Variants in SDK2 observed in about 807,000 individuals in gnomAD.
The protein encoded by SDK2 is sidekick cell adhesion molecule 2.
In SDK2, 105 loss-of-function variants were observed where a neutral mutation model predicts 253.9. The ratio of observed to expected loss-of-function variants is 0.41; its 90% CI spans 0.35 to 0.49. SDK2 has a LOEUF of 0.49. Ranked by LOEUF, SDK2 falls within the 20% of genes least tolerant of loss-of-function variation. The pLI is 0.06. For synonymous variants in SDK2, 1,249 were observed against 1,234.9 expected (o/e 1.01, Z -0.24); for missense variants, 2,608 against 3,003.0 (o/e 0.87, Z 3.07).
At chr17:73,524,810 G>A (rs529683194) in intron 1 of SDK2, among the ~76,000 whole-genome samples, 3 of 152,340 alleles carry the variant, frequency 2.0e-5, no homozygotes, top group South Asian at 2.1e-4. Context: ...CAAAGCCCAC[G>A]CTCCTTCCAC....
chr17:73,581,174 G>A (rs944430592), intron 1 of SDK2, among the ~76,000 whole-genome samples: 8 of 152,060 alleles, frequency 5.3e-5, no homozygotes, highest in African/African-American at 1.2e-4. Context: ...GAGCCACTGC[G>A]CTCAGCACTT....
intron 44 of SDK2, among the ~76,000 whole-genome samples, chr17:73,339,237 T>TG (rs1287641316): frequency 9.0e-6 from 1 of 111,190 alleles, no homozygotes; most frequent in Non-Finnish European, 2.2e-5. Context: ...TTGTTTTTGT[T>TG]TTTTTTTTTT....
intron 18 of SDK2, among the ~76,000 whole-genome samples, chr17:73,404,613 G>A (rs2063055854): frequency 6.6e-6 from 1 of 152,204 alleles, no homozygotes; most frequent in Non-Finnish European, 1.5e-5. Flanking sequence ...TGTGGACCCT[G>A]AGACCTTTCA....
At chr17:73,385,358 G>T (rs529202768) in intron 32 of SDK2, among the ~76,000 whole-genome samples, 3 of 152,276 alleles carry the variant, frequency 2.0e-5, no homozygotes, top group East Asian at 1.9e-4. Flanking sequence ...ACGAAGGGGG[G>T]CATTTCTCTC....
intron 13 of SDK2, 128 bp downstream of exon 13, chr17:73,423,788 G>A: frequency 2.3e-6 from 2 of 860,978 alleles, no homozygotes; most frequent in Non-Finnish European, 3.5e-6. Flanking sequence ...GGTATGTCCT[G>A]AGCAAAGCTG....
In SDK2 at chr17:73,447,827, G is replaced by A. The variant is rs1202763617; in HGVS notation, c.480-79C>T. 4.0e-6 allele frequency: 6 copies of A among 1,513,110 alleles called. No homozygotes were observed. The highest frequency in any genetic ancestry group is 1.4e-5 in the African/African-American group (1 of 72,062). 93.7% of individuals were successfully genotyped at this position (1,513,110 alleles called of 1,614,324 possible). A position where few individuals can be genotyped will look rare whatever the true frequency, so the allele number is the denominator to read the frequency against. On this transcript the variant is annotated intron_variant, in intron 4 of 44. Coordinates refer to ENST00000392650, the MANE Select transcript of SDK2 (RefSeq NM_001144952.2). The surrounding 1 kb of genome is among the most constrained non-coding windows in gnomAD (Gnocchi z 4.0). Reference sequence around the variant, plus strand: ...CAGGGAGTGGGAGTGGAAACCCTAAGGGGGAAGCCCGACCATATCTCCCAG... The same window carrying A: ...CAGGGAGTGGGAGTGGAAACCCTAAAGGGGAAGCCCGACCATATCTCCCAG...
At position 73,355,094 on chromosome 17, in the gene SDK2, G is replaced by A. The variant is rs367802120; in HGVS notation, c.5594-2457C>T. 1.1e-4 allele frequency among the ~76,000 whole-genome samples: 16 copies of A among 145,702 alleles called. No individual in the cohort carries two copies. The East Asian group carries it at 1.7e-3, about 15-fold the overall frequency. ...CAGAGCTGTCCTTGCAGAAGGCTCC[G>A]GGGTCCCGAACCTCGGCCTCACTGT... is the stretch of plus-strand genomic sequence containing the variant. On this transcript the variant is annotated intron_variant, in intron 40 of 44. Coordinates refer to ENST00000392650, the MANE Select transcript of SDK2 (RefSeq NM_001144952.2).
intron 1 of SDK2, among the ~76,000 whole-genome samples, chr17:73,608,464 G>C (rs2045934699): frequency 6.6e-6 from 1 of 152,114 alleles, no homozygotes; most frequent in African/African-American, 2.4e-5. Flanking sequence ...TATTTTGAGA[G>C]GGAGTTTTGC....
At position 73,612,243 on chromosome 17, in the gene SDK2, G is replaced by A. The variant is rs529918413; in HGVS notation, c.64+31782C>T. Among the ~76,000 whole-genome samples, 1 of 151,702 alleles carries A rather than the reference G, an allele frequency of 6.6e-6. No homozygotes were observed. Among genetic ancestry groups the A allele is most frequent in the South Asian group, 2.1e-4 (1 of 4,780 alleles). On this transcript the variant is annotated intron_variant, in intron 1 of 44. Coordinates refer to ENST00000392650, the MANE Select transcript of SDK2 (RefSeq NM_001144952.2). The surrounding 1 kb of genome is among the most constrained non-coding windows in gnomAD (Gnocchi z 4.4). ...CCCGGGCTGCAGGCCGGCCCCCCAC[G>A]GTCCCCCACCCTCACGGGGTCCCTG...
At chr17:73,424,459 A>G (rs1343046734) in intron 12 of SDK2, among the ~76,000 whole-genome samples, 1 of 152,224 alleles carries the variant, frequency 6.6e-6, no homozygotes, top group Non-Finnish European at 1.5e-5. Context: ...GAAAAAAGGA[A>G]TGCAAGTTTC....
intron 1 of SDK2, among the ~76,000 whole-genome samples, chr17:73,623,372 G>C (rs1392241135): frequency 6.6e-6 from 1 of 152,106 alleles, no homozygotes; most frequent in Non-Finnish European, 1.5e-5. Flanking sequence ...CCCCCTCTCT[G>C]TTCTCTATTG....
chr17:73,598,334 C>T (rs996942121), intron 1 of SDK2, among the ~76,000 whole-genome samples: 2 of 152,174 alleles, frequency 1.3e-5, no homozygotes, highest in South Asian at 2.1e-4. Flanking sequence ...GGTCATTGGC[C>T]GACGGCACCT....
intron 1 of SDK2, among the ~76,000 whole-genome samples, chr17:73,552,922 A>G (rs6501651): frequency 0.5 from 76,537 of 152,128 alleles, 20,213 homozygotes; most frequent in African/African-American, 0.67. Flanking sequence ...AGATGGGATG[A>G]ACTGTTTGGA....
rs2046408102 is a variant in SDK2, at chr17:73,642,247, C to T, written c.64+1778G>A. 6.6e-6 allele frequency among the ~76,000 whole-genome samples: 1 copy of T among 152,144 alleles called. No homozygotes were observed. The highest frequency in any genetic ancestry group is 6.5e-5 in the Admixed American group (1 of 15,280). On this transcript the variant is annotated intron_variant, in intron 1 of 44. Coordinates refer to ENST00000392650, the MANE Select transcript of SDK2 (RefSeq NM_001144952.2). The surrounding 1 kb of genome is among the most constrained non-coding windows in gnomAD (Gnocchi z 4.7). ...CCCAAAGCAAGGGCCATCAGGTGCCCTGGGGACTCTATAAGGGCCTGGTCC... is the reference window on the plus strand; with the variant it reads ...CCCAAAGCAAGGGCCATCAGGTGCCTTGGGGACTCTATAAGGGCCTGGTCC...
chr17:73,419,103 C>T (rs566454161), intron 16 of SDK2, 63 bp downstream of exon 16: 3 of 1,568,172 alleles, frequency 1.9e-6, no homozygotes, highest in African/African-American at 2.7e-5. Context: ...CCAGTCCACT[C>T]CCGATCTTCC....
intron 38 of SDK2, among the ~76,000 whole-genome samples, chr17:73,364,483 G>A (rs1381526307): frequency 6.6e-6 from 1 of 152,046 alleles, no homozygotes; most frequent in East Asian, 1.9e-4. Flanking sequence ...CTGAAGCTTT[G>A]GTCAGATTCT....
At position 73,541,523 on chromosome 17, in the gene SDK2, C is replaced by T. The variant is rs1164940926; in HGVS notation, c.65-33926G>A. ...ACCCCCATTTCACAGACAAGGACCC[C>T]GAGATAGGTAGAGGGGTGAGTGCCC... On this transcript the variant is annotated intron_variant, in intron 1 of 44. Coordinates refer to ENST00000392650, the MANE Select transcript of SDK2 (RefSeq NM_001144952.2). This position sits in a 1 kb window ranked among gnomAD's most constrained non-coding sequence, Gnocchi z 4.3. 1.3e-5 allele frequency among the ~76,000 whole-genome samples: 2 copies of T among 151,982 alleles called. No homozygotes were observed. The highest frequency in any genetic ancestry group is 2.4e-5 in the African/African-American group (1 of 41,380).
chr17:73,455,756 G>A lies in SDK2; in HGVS notation c.479+150C>T. On this transcript the variant is annotated intron_variant, in intron 4 of 44. Coordinates refer to ENST00000392650, the MANE Select transcript of SDK2 (RefSeq NM_001144952.2). The surrounding 1 kb of genome is among the most constrained non-coding windows in gnomAD (Gnocchi z 5.0). ...CTGTGCATCCTAAGAAAGCCCCTGG[G>A]AGGTCCCCTACCTGGCTGTGTCCCA... is the stretch of plus-strand genomic sequence containing the variant. 1.2e-6 allele frequency: 1 copy of A among 825,748 alleles called. No homozygotes were observed. 51.2% of individuals were successfully genotyped at this position (825,748 alleles called of 1,614,324 possible).
At chr17:73,568,471 A>T (rs969423444) in intron 1 of SDK2, among the ~76,000 whole-genome samples, 2 of 152,188 alleles carry the variant, frequency 1.3e-5, no homozygotes, top group African/African-American at 4.8e-5. Flanking sequence ...TGAATACAAG[A>T]TCTGAAATTA....
Sources: allele counts gnomAD v4.1 joint callset (sites outside exome capture counted in the v4.1 genomes callset), GRCh38; gene constraint gnomAD v4.1.1; non-coding constraint Gnocchi (gnomAD v3.1); transcripts MANE v1.5; gene names NCBI Gene and HGNC (gene_info 2026-07-23, HGNC 2026-07-21).